Variants in FRAS1 observed in about 807,000 individuals in gnomAD.
The protein encoded by FRAS1 is extracellular matrix organizing protein FRAS1.
A neutral mutation model predicts 435.2 loss-of-function variants in FRAS1; 290 were observed. The observed-to-expected ratio is 0.67, with a 90% CI of 0.61 to 0.73. The LOEUF is 0.73. Ranked by LOEUF, FRAS1 falls within the 30% of genes least tolerant of loss-of-function variation. The probability of loss-of-function intolerance (pLI) is 0.00; values close to 1 mark genes in which losing one functional copy is unlikely to be tolerated. For missense variants in FRAS1, 4,860 were observed against 5,001.5 expected, an observed-to-expected ratio of 0.97 and a Z score of 0.85; for synonymous variants, 1,800 against 1,851.0, an observed-to-expected ratio of 0.97 and a Z score of 0.71.
At chr4:78,359,531 G>GTCT (rs1287025609) in intron 20 of FRAS1, among the ~76,000 whole-genome samples, 2 of 152,080 alleles carry the variant, frequency 1.3e-5, no homozygotes, top group Non-Finnish European at 2.9e-5. Context: ...GATATAATTG[G>GTCT]TCTTCTGTTG....
In FRAS1 at chr4:78,429,393, G is replaced by A. The variant is rs528877955; in HGVS notation, c.4843+167G>A. Reference sequence around the variant, plus strand: ...GCCCATTTCTATGCAAACAGAAGCCGCACAGAGAGAAGGAAATGAAGCCTT... The same window carrying A: ...GCCCATTTCTATGCAAACAGAAGCCACACAGAGAGAAGGAAATGAAGCCTT... On this transcript the variant is annotated intron_variant, in intron 36 of 73. Transcript: ENST00000512123. Among the ~76,000 whole-genome samples, 39 of 152,146 alleles carry A rather than the reference G, an allele frequency of 2.6e-4. 1 individual carries two copies. The highest frequency in any genetic ancestry group is 3.4e-3 in the Middle Eastern group (1 of 294).
chr4:78,165,177 C>G (rs1560558860), intron 2 of FRAS1, among the ~76,000 whole-genome samples: 1 of 152,116 alleles, frequency 6.6e-6, no homozygotes, highest in Non-Finnish European at 1.5e-5. Flanking sequence ...ACCCAGTGAC[C>G]TTTGTTTAAC....
chr4:78,365,017 C>A (rs1324356327), intron 22 of FRAS1, among the ~76,000 whole-genome samples: 1 of 152,064 alleles, frequency 6.6e-6, no homozygotes, highest in African/African-American at 2.4e-5. Flanking sequence ...ATAACAATAC[C>A]TACATTCTAA....
Position 78,526,660 on chromosome 4 carries a change from A to G in FRAS1, c.10925+3A>G, listed in dbSNP as rs1721543669. On this transcript the variant is annotated splice_donor_region_variant and intron_variant, in intron 70 of 73. Transcript: ENST00000512123. Reference sequence around the variant, plus strand: ...TGCACTGCACATGCCCCAGAAAGGTAGGAAAATATAGTCAATCCTCATTAT... The same window carrying G: ...TGCACTGCACATGCCCCAGAAAGGTGGGAAAATATAGTCAATCCTCATTAT... The G allele has an allele frequency of 1.3e-6, 2 of 1,502,936 alleles. No homozygotes were observed. 93.1% of individuals were successfully genotyped at this position (1,502,936 alleles called of 1,614,324 possible). A position where few individuals can be genotyped will look rare whatever the true frequency, so the allele number is the denominator to read the frequency against.
intron 30 of FRAS1, among the ~76,000 whole-genome samples, chr4:78,404,763 T>G (rs994000806): frequency 2.0e-5 from 3 of 152,242 alleles, no homozygotes; most frequent in African/African-American, 4.8e-5. Context: ...ATCTCTCCTC[T>G]GGATTTGTCA....
chr4:78,455,428 G>GC lies in FRAS1; in HGVS notation c.6763+3074_6763+3075insC, dbSNP rs1553962074. ...AGAAGTTGGAGTTGAGGAGGGAGGG[G>GC]GTTCTGTTATTTCCAAGAAGAGCAG... On this transcript the variant is annotated intron_variant, in intron 47 of 73. Transcript: ENST00000512123. 1.4e-4 allele frequency among the ~76,000 whole-genome samples: 21 copies of GC among 151,284 alleles called. No individual in the cohort carries two copies. In the Middle Eastern group the frequency reaches 0.01, roughly 74 times the overall value.
rs923022538 is a variant in FRAS1 at position 78,103,279 on chromosome 4, ATTTCCTTTTT to A, written c.108+37264_108+37273del. On this transcript the variant is annotated intron_variant, in intron 2 of 73. Coordinates refer to ENST00000512123, the MANE Select transcript of FRAS1 (RefSeq NM_025074.7). ...AAGTAAAGCGTTTGACCTTCTTAGTATTTCCTTTTTCAATTTTAAAACATACCTGGAATCT... is the reference window on the plus strand; with the variant it reads ...AAGTAAAGCGTTTGACCTTCTTAGTACAATTTTAAAACATACCTGGAATCT... Among the ~76,000 whole-genome samples the A allele has an allele frequency of 2.6e-4, 39 of 152,276 alleles. No individual in the cohort carries two copies. The Middle Eastern group carries it at 0.01, about 40-fold the overall frequency.
At chr4:78,151,910 G>A (rs916230839) in intron 2 of FRAS1, among the ~76,000 whole-genome samples, 6 of 152,122 alleles carry the variant, frequency 3.9e-5, no homozygotes, top group East Asian at 1.9e-4. Flanking sequence ...GCTGACCTGA[G>A]TAGTCAAGAA....
At chr4:78,126,875 T>C (rs1211829960) in intron 2 of FRAS1, among the ~76,000 whole-genome samples, 3 of 152,224 alleles carry the variant, frequency 2.0e-5, no homozygotes, top group Non-Finnish European at 4.4e-5. Context: ...TCAGTTTTTG[T>C]TCCAATTACA....
chr4:78,058,951 C>T (rs1739608747), intron 1 of FRAS1, among the ~76,000 whole-genome samples: 1 of 152,236 alleles, frequency 6.6e-6, no homozygotes, highest in East Asian at 1.9e-4. Context: ...GGAAGTCGCC[C>T]CGCCAGTGCT....
intron 9 of FRAS1, among the ~76,000 whole-genome samples, chr4:78,277,337 G>A (rs148025582): frequency 0.027 from 4,054 of 152,154 alleles, 185 homozygotes; most frequent in African/African-American, 0.09. Context: ...CCCACTGTCC[G>A]ACAAGCCCCA....
intron 28 of FRAS1, among the ~76,000 whole-genome samples, chr4:78,384,934 G>A (rs1427955146): frequency 6.7e-6 from 1 of 148,482 alleles, no homozygotes; most frequent in Non-Finnish European, 1.5e-5. Context: ...AAAAAAGACT[G>A]TCTTTATCTT....
At chr4:78,377,419 C>A (rs950123293) in intron 26 of FRAS1, among the ~76,000 whole-genome samples, 1 of 152,144 alleles carries the variant, frequency 6.6e-6, no homozygotes, top group Non-Finnish European at 1.5e-5. Flanking sequence ...ATCTTACAGT[C>A]GAAGTAGTCC....
At chr4:78,259,757 G>A (rs1219933012) in intron 6 of FRAS1, among the ~76,000 whole-genome samples, 1 of 146,478 alleles carries the variant, frequency 6.8e-6, no homozygotes, top group Non-Finnish European at 1.5e-5. Context: ...GTTGCTTTTA[G>A]TGTTTTAGAC....
chr4:78,420,738 A>G (rs1733746672), intron 33 of FRAS1, among the ~76,000 whole-genome samples: 2 of 151,884 alleles, frequency 1.3e-5, no homozygotes, highest in South Asian at 4.2e-4. Flanking sequence ...ATTGAAACTC[A>G]ACTGAGAGAA....
intron 54 of FRAS1, among the ~76,000 whole-genome samples, chr4:78,476,730 G>A (rs1010171834): frequency 6.6e-6 from 1 of 152,118 alleles, no homozygotes; most frequent in Non-Finnish European, 1.5e-5. Context: ...TCTGTTGAGT[G>A]TTTCATTTCA....
At chr4:78,411,503 A>G (rs192547884) in intron 31 of FRAS1, among the ~76,000 whole-genome samples, 55 of 152,264 alleles carry the variant, frequency 3.6e-4, no homozygotes, top group African/African-American at 1.3e-3. Flanking sequence ...AAGATTTGGG[A>G]CATATGTAAT....
chr4:78,464,128 T>C lies in FRAS1; in HGVS notation c.6871T>C (p.Ser2291Pro). 1.2e-6 allele frequency: 2 copies of C among 1,610,566 alleles called. No homozygotes were observed. Among genetic ancestry groups the C allele is most frequent in the Non-Finnish European group, 1.7e-6 (2 of 1,178,998 alleles). ...KHSDAFSFTL[S>P]DGVSEVTQTF... Reference sequence around the variant, plus strand: ...TTCAGATGCCTTCAGCTTTACACTGTCTGATGGAGTCAGTGAGGTAGGTGA... The same window carrying C: ...TTCAGATGCCTTCAGCTTTACACTGCCTGATGGAGTCAGTGAGGTAGGTGA... The change falls in exon 48 of 74, where the codon TCT (serine) becomes CCT (proline). Residue 2291 changes from serine (S) to proline (P), a missense_variant. Physicochemically the swap from Ser to Pro is moderately conservative, Grantham distance 74. Transcript: ENST00000512123.
intron 2 of FRAS1, among the ~76,000 whole-genome samples, chr4:78,080,869 G>T (rs145104098): frequency 1.3e-5 from 2 of 152,106 alleles, no homozygotes; most frequent in African/African-American, 4.8e-5. Context: ...GTCCCAGGAC[G>T]TCTTACTGAA....
Sources: gnomAD v4.1 joint callset for allele counts (sites outside exome capture counted in the v4.1 genomes callset) on GRCh38, gnomAD v4.1.1 for gene constraint, MANE v1.5 for transcripts, NCBI Gene and HGNC (gene_info 2026-07-23, HGNC 2026-07-21) for gene names.